The following PLXDC2 variants were observed in gnomAD, a reference collection of about 807,000 sequenced individuals.
The protein encoded by PLXDC2 is plexin domain containing 2, also known as plexin domain-containing protein 2.
A neutral mutation model predicts 68.9 loss-of-function variants in PLXDC2; 40 were observed. The ratio of observed to expected loss-of-function variants is 0.58; its 90% confidence interval spans 0.45 to 0.76. The LOEUF (loss-of-function observed/expected upper bound fraction) is 0.76, where lower values mean the gene tolerates loss of function less well. Among genes scored for constraint, PLXDC2 ranks in the 30% least tolerant of loss-of-function variants. The pLI is 0.00. For synonymous variants in PLXDC2, 243 were observed against 234.2 expected, an observed-to-expected ratio of 1.04 and a Z score of -0.34; for missense variants, 644 against 661.9, an observed-to-expected ratio of 0.97 and a Z score of 0.30.
intron 1 of PLXDC2, among the ~76,000 whole-genome samples, chr10:19,818,995 T>C (rs73601611): frequency 0.031 from 4,723 of 151,606 alleles, 177 homozygotes; most frequent in African/African-American, 0.099. Context: ...TTTATAAACC[T>C]GTTCCAGTAA....
intron 4 of PLXDC2, among the ~76,000 whole-genome samples, chr10:20,135,202 C>G (rs2131780379): frequency 6.6e-6 from 1 of 152,270 alleles, no homozygotes; most frequent in South Asian, 2.1e-4. Context: ...ACGATTAAGG[C>G]TTTTGAAATA....
At chr10:19,858,144 C>T (rs1358696254) in intron 1 of PLXDC2, among the ~76,000 whole-genome samples, 2 of 152,140 alleles carry the variant, frequency 1.3e-5, no homozygotes, top group African/African-American at 4.8e-5. Flanking sequence ...ATATGAATAG[C>T]AAGAACAGTT....
chr10:20,217,686 C>A (rs1047893077), intron 11 of PLXDC2, 110 bp downstream of exon 11: 8 of 1,241,274 alleles, frequency 6.4e-6, no homozygotes, highest in Non-Finnish European at 7.2e-6. Context: ...CTCTCTAGGT[C>A]TCTCTAAAGT....
chr10:19,962,007 A>G (rs1334794733), intron 1 of PLXDC2, among the ~76,000 whole-genome samples: 3 of 152,184 alleles, frequency 2.0e-5, no homozygotes, highest in Non-Finnish European at 4.4e-5. Context: ...ATGATACTGA[A>G]TGTATTGCCT....
At chr10:20,161,720 T>G (rs1589659457) in intron 6 of PLXDC2, among the ~76,000 whole-genome samples, 1 of 151,018 alleles carries the variant, frequency 6.6e-6, no homozygotes, top group Non-Finnish European at 1.5e-5. Flanking sequence ...GAAGAAGAGA[T>G]AGGGAAGAGA....
At chr10:19,896,913 A>AT (rs1838067217) in intron 1 of PLXDC2, among the ~76,000 whole-genome samples, 1 of 152,064 alleles carries the variant, frequency 6.6e-6, no homozygotes, top group South Asian at 2.1e-4. Flanking sequence ...TGTCTGCTTA[A>AT]TTTTTTGCAT....
At chr10:20,231,366 G>A (rs1015974797) in intron 12 of PLXDC2, among the ~76,000 whole-genome samples, 2 of 150,992 alleles carry the variant, frequency 1.3e-5, no homozygotes, top group African/African-American at 4.8e-5. Flanking sequence ...AATGATAACT[G>A]ATACAAAATA....
At chr10:20,098,048 C>G (rs7912564) in intron 4 of PLXDC2, among the ~76,000 whole-genome samples, 66,889 of 150,970 alleles carry the variant, frequency 0.44, 15,001 homozygotes, top group South Asian at 0.7. Flanking sequence ...TAAAATATTA[C>G]TCTCCTATCA....
chr10:20,273,525 TATAG>T (rs960529488), intron 13 of PLXDC2, among the ~76,000 whole-genome samples: 1 of 146,592 alleles, frequency 6.8e-6, no homozygotes, highest in African/African-American at 2.5e-5. Context: ...TAGAGCACGA[TATAG>T]ATAGATATAC....
chr10:19,903,964 A>G (rs564158192), intron 1 of PLXDC2, among the ~76,000 whole-genome samples: 1 of 152,164 alleles, frequency 6.6e-6, no homozygotes, highest in East Asian at 1.9e-4. Context: ...GGATCAGTTT[A>G]TTTAATTTCC....
At chr10:20,242,662 G>C (rs1434061833) in intron 12 of PLXDC2, among the ~76,000 whole-genome samples, 4 of 152,124 alleles carry the variant, frequency 2.6e-5, no homozygotes, top group Non-Finnish European at 5.9e-5. Flanking sequence ...GGCAGATACT[G>C]ACCTAAGACC....
At chr10:19,854,810 C>T (rs1837184244) in intron 1 of PLXDC2, among the ~76,000 whole-genome samples, 1 of 152,084 alleles carries the variant, frequency 6.6e-6, no homozygotes, top group Admixed American at 6.6e-5. Flanking sequence ...ACATAGTCAC[C>T]CCAGTCCTGA....
chr10:20,169,106 T>C (rs1254279156), intron 7 of PLXDC2, among the ~76,000 whole-genome samples: 1 of 152,204 alleles, frequency 6.6e-6, no homozygotes, highest in Non-Finnish European at 1.5e-5. Context: ...GTTGGTTACA[T>C]AGTTTGCATC....
At chr10:20,092,312 G>A (rs537789549) in intron 4 of PLXDC2, among the ~76,000 whole-genome samples, 90 of 152,096 alleles carry the variant, frequency 5.9e-4, no homozygotes, top group Non-Finnish European at 1.1e-3. Context: ...AAAGTCTGTA[G>A]CACTGATGGA....
intron 13 of PLXDC2, among the ~76,000 whole-genome samples, chr10:20,256,812 T>C (rs1034405104): frequency 6.6e-6 from 1 of 152,236 alleles, no homozygotes; most frequent in Non-Finnish European, 1.5e-5. Flanking sequence ...ATACTGAACA[T>C]TGAATTTAGT....
At chr10:19,999,946 A>G (rs1301207546) in intron 1 of PLXDC2, among the ~76,000 whole-genome samples, 1 of 152,202 alleles carries the variant, frequency 6.6e-6, no homozygotes, top group Non-Finnish European at 1.5e-5. Flanking sequence ...ATTATGCCGG[A>G]TCATACAACC....
chr10:19,835,109 G>C (rs1836765586), intron 1 of PLXDC2, among the ~76,000 whole-genome samples: 1 of 152,172 alleles, frequency 6.6e-6, no homozygotes, highest in Admixed American at 6.5e-5. Flanking sequence ...TTGCCTGTTG[G>C]GCAAGAGCAG....
chr10:19,963,489 A>G (rs1197494931), intron 1 of PLXDC2, among the ~76,000 whole-genome samples: 1 of 152,168 alleles, frequency 6.6e-6, no homozygotes, highest in Non-Finnish European at 1.5e-5. Flanking sequence ...CATATATACC[A>G]TGGGATACTA....
chr10:19,903,031 A>G (rs1368651215), intron 1 of PLXDC2, among the ~76,000 whole-genome samples: 1 of 152,142 alleles, frequency 6.6e-6, no homozygotes, highest in Non-Finnish European at 1.5e-5. Flanking sequence ...AACCCACTTG[A>G]TCATGTCAGA....
Sources: allele counts gnomAD v4.1 joint callset (sites outside exome capture counted in the v4.1 genomes callset), GRCh38; gene constraint gnomAD v4.1.1; transcripts MANE v1.5; gene names NCBI Gene and HGNC (gene_info 2026-07-23, HGNC 2026-07-21).